The following WASF3 variants were observed in gnomAD, a reference collection of about 807,000 sequenced individuals.
The protein encoded by WASF3 is actin-binding protein WASF3.
A neutral mutation model predicts 46.6 loss-of-function variants in WASF3; 11 were observed. The ratio of observed to expected loss-of-function variants is 0.24; its 90% CI spans 0.15 to 0.39. The LOEUF (loss-of-function observed/expected upper bound fraction) is 0.39, where lower values mean the gene tolerates loss of function less well. Ranked by LOEUF, WASF3 falls within the 10% of genes least tolerant of loss-of-function variation. WASF3 has a pLI of 1.00. For missense variants in WASF3, 576 were observed against 669.8 expected (o/e 0.86, Z 1.55); for synonymous variants, 242 against 259.7 (o/e 0.93, Z 0.65).
chr13:26,596,317 A>G (rs1880459802), intron 1 of WASF3, among the ~76,000 whole-genome samples: 1 of 149,642 alleles, frequency 6.7e-6, no homozygotes, highest in Admixed American at 6.7e-5. Context: ...TGCTCTTTTC[A>G]TAATTGGATT....
At chr13:26,634,814 C>T (rs182711174) in intron 2 of WASF3, among the ~76,000 whole-genome samples, 32 of 152,228 alleles carry the variant, frequency 2.1e-4, no homozygotes, top group African/African-American at 7.5e-4. Flanking sequence ...GAATATTGGC[C>T]CCCATTCTCT....
the WASF3 span, among the ~76,000 whole-genome samples, chr13:26,546,440 G>A: frequency 6.6e-6 from 1 of 152,214 alleles, no homozygotes; most frequent in Non-Finnish European, 1.5e-5. Context: ...GGTGGCTCAC[G>A]CCTGCAAATC....
intron 4 of WASF3, among the ~76,000 whole-genome samples, chr13:26,666,987 C>T (rs928444443): frequency 1.3e-5 from 2 of 151,134 alleles, no homozygotes; most frequent in Non-Finnish European, 2.9e-5. Flanking sequence ...AATTTTGTAT[C>T]ATCGATCAAG....
At chr13:26,675,430 A>G (rs574731300) in intron 6 of WASF3, among the ~76,000 whole-genome samples, 3 of 151,170 alleles carry the variant, frequency 2.0e-5, no homozygotes, top group East Asian at 3.9e-4. Flanking sequence ...TACACTTTCA[A>G]TACTCTCAGT....
chr13:26,565,465 C>T (rs1186256142), intron 1 of WASF3, among the ~76,000 whole-genome samples: 1 of 152,058 alleles, frequency 6.6e-6, no homozygotes. Flanking sequence ...ATATAGAACA[C>T]GTCTGTTTTC....
intron 2 of WASF3, among the ~76,000 whole-genome samples, chr13:26,624,365 T>A (rs1881401779): frequency 6.6e-6 from 1 of 151,768 alleles, no homozygotes; most frequent in Non-Finnish European, 1.5e-5. Flanking sequence ...ATCAGCAGAA[T>A]ATAAAAAGGA....
At chr13:26,606,116 G>T (rs746458192) in intron 1 of WASF3, among the ~76,000 whole-genome samples, 2 of 152,100 alleles carry the variant, frequency 1.3e-5, no homozygotes, top group Non-Finnish European at 2.9e-5. Flanking sequence ...GCTAAATGAG[G>T]TAGACGGCTC....
chr13:26,539,280 A>T, the WASF3 span, among the ~76,000 whole-genome samples: 1 of 152,104 alleles, frequency 6.6e-6, no homozygotes, highest in South Asian at 2.1e-4. Context: ...GTGGTAGCTG[A>T]GTCTGGGGGG....
chr13:26,648,164 C>A (rs1477612278), intron 3 of WASF3, among the ~76,000 whole-genome samples: 1 of 152,018 alleles, frequency 6.6e-6, no homozygotes, highest in African/African-American at 2.4e-5. Context: ...AGTCATCAGG[C>A]TTCTTCATAA....
At chr13:26,576,252 C>G (rs1879792589) in intron 1 of WASF3, among the ~76,000 whole-genome samples, 1 of 152,116 alleles carries the variant, frequency 6.6e-6, no homozygotes, top group African/African-American at 2.4e-5. Flanking sequence ...CCTTGGACAT[C>G]TTAATTCCTT....
chr13:26,546,683 G>T, the WASF3 span, among the ~76,000 whole-genome samples: 1 of 152,204 alleles, frequency 6.6e-6, no homozygotes, highest in Non-Finnish European at 1.5e-5. Flanking sequence ...CTGCACTCCA[G>T]CCTGGGCAAC....
At chr13:26,676,462 G>A in intron 6 of WASF3, 87 bp from the exon 7 acceptor site, 9 of 1,426,810 alleles carry the variant, frequency 6.3e-6, no homozygotes, top group Non-Finnish European at 8.6e-6. Flanking sequence ...CATCAGGCAT[G>A]GGCCTTGTGC....
At chr13:26,574,347 C>A (rs933911435) in intron 1 of WASF3, among the ~76,000 whole-genome samples, 5 of 152,034 alleles carry the variant, frequency 3.3e-5, no homozygotes, top group African/African-American at 1.2e-4. Flanking sequence ...TTTATTTACT[C>A]TTGGATCAGG....
At chr13:26,672,035 A>T in intron 6 of WASF3, 46 bp downstream of exon 6, 1 of 1,367,158 alleles carries the variant, frequency 7.3e-7, no homozygotes, top group Non-Finnish European at 1.0e-6. Context: ...TGTTCAAAGG[A>T]GATTCTTGTT....
intron 2 of WASF3, among the ~76,000 whole-genome samples, chr13:26,636,168 C>T (rs1881812270): frequency 6.6e-6 from 1 of 152,260 alleles, no homozygotes; most frequent in African/African-American, 2.4e-5. Flanking sequence ...GGGCTCCGCC[C>T]AGTTCAAGCT....
chr13:26,555,826 C>T (rs1251511658), upstream of WASF3, among the ~76,000 whole-genome samples: 3 of 152,216 alleles, frequency 2.0e-5, no homozygotes, highest in Non-Finnish European at 4.4e-5. Flanking sequence ...AGTCAAGATT[C>T]TGTTACAGGT....
chr13:26,631,156 T>C (rs1384828309), intron 2 of WASF3, among the ~76,000 whole-genome samples: 1 of 152,244 alleles, frequency 6.6e-6, no homozygotes, highest in Non-Finnish European at 1.5e-5. Flanking sequence ...CTCTTTAGTT[T>C]AATTAGATCC....
the WASF3 span, among the ~76,000 whole-genome samples, chr13:26,545,931 C>T: frequency 6.6e-6 from 1 of 152,142 alleles, no homozygotes; most frequent in Non-Finnish European, 1.5e-5. Flanking sequence ...CATGTTTTGG[C>T]TTTCAGTCTT....
chr13:26,656,613 A>G (rs1386922850), intron 3 of WASF3, among the ~76,000 whole-genome samples: 1 of 152,130 alleles, frequency 6.6e-6, no homozygotes, highest in Non-Finnish European at 1.5e-5. Flanking sequence ...ATACTAAGAA[A>G]TAAAAAAAAG....
Sources: gnomAD v4.1 joint callset for allele counts (sites outside exome capture counted in the v4.1 genomes callset) on GRCh38, gnomAD v4.1.1 for gene constraint, MANE v1.5 for transcripts, NCBI Gene and HGNC (gene_info 2026-07-23, HGNC 2026-07-21) for gene names.